SNX25: variants seen among roughly 807,000 people sequenced by gnomAD.
The protein encoded by SNX25 is sorting nexin-25.
Under a neutral mutation model 113.7 loss-of-function variants are expected in SNX25, and 62 were observed. The observed-to-expected ratio is 0.55, with a 90% confidence interval of 0.44 to 0.67. SNX25 has a LOEUF of 0.67. Ranked by LOEUF, SNX25 falls within the 30% of genes least tolerant of loss-of-function variation. SNX25 has a pLI of 0.00. For missense variants in SNX25, 1,014 were observed against 1,161.0 expected (o/e 0.87, Z 1.84); for synonymous variants, 421 against 436.2 (o/e 0.97, Z 0.43).
chr4:185,304,781 A>G (rs1216314309), intron 6 of SNX25, among the ~76,000 whole-genome samples: 1 of 152,230 alleles, frequency 6.6e-6, no homozygotes, highest in African/African-American at 2.4e-5. Flanking sequence ...GAGCCACCAC[A>G]TCCAGCCTAA....
intron 8 of SNX25, 147 bp downstream of exon 8, chr4:185,321,011 T>C: frequency 1.6e-6 from 1 of 620,040 alleles, no homozygotes; most frequent in African/African-American, 1.9e-5. Flanking sequence ...TAGCCCATAA[T>C]GGCAAATAAA....
intron 12 of SNX25, 55 bp downstream of exon 12, chr4:185,342,171 A>C (rs2095263322): frequency 6.9e-7 from 1 of 1,452,144 alleles, no homozygotes; most frequent in African/African-American, 1.4e-5. Flanking sequence ...AGCTCATTTC[A>C]ATTTTACACA....
downstream of SNX25, chr4:185,374,378 G>A (rs755512034): frequency 1.1e-5 from 17 of 1,613,940 alleles, no homozygotes; most frequent in Non-Finnish European, 1.4e-5. Context: ...CTCTTCCGAG[G>A]TTGTAAGCAG....
At chr4:185,231,727 G>A (rs992525840) in intron 1 of SNX25, among the ~76,000 whole-genome samples, 11 of 146,390 alleles carry the variant, frequency 7.5e-5, no homozygotes, top group African/African-American at 2.7e-4. Flanking sequence ...AAAAAAAAAA[G>A]CAGGATTTAT....
At position 185,302,091 on chromosome 4, in the gene SNX25, G is replaced by GTTTTT. The variant is rs1233693832; in HGVS notation, c.1163-8540_1163-8536dup. ...ATTTTTGTATATTTTGTGTGTGTGTGTTTTTTTTGTTTTTTTTTTTTTTTA... is the reference window on the plus strand; with the variant it reads ...ATTTTTGTATATTTTGTGTGTGTGTGTTTTTTTTTTTTTGTTTTTTTTTTTTTTTA... On this transcript the variant is annotated intron_variant, in intron 6 of 18. Coordinates refer to ENST00000652585, the MANE Select transcript of SNX25 (RefSeq NM_001378034.2). Among the ~76,000 whole-genome samples, 18 of 108,372 alleles carry GTTTTT rather than the reference G, an allele frequency of 1.7e-4. No individual in the cohort carries two copies. In the East Asian group the frequency reaches 1.7e-3, roughly 10 times the overall value. 71.1% of individuals were successfully genotyped at this position (108,372 alleles called of 152,430 possible).
chr4:185,362,101 T>C lies in SNX25; in HGVS notation c.2829T>C (p.Ile943=). ...QRAQQKLLEN[I]PDMLQSLVGQ... Reference sequence around the variant, plus strand: ...CACAGCAAAAGCTGCTTGAAAACATTCCAGGTGAGGCCTGGGCTATTAGCC... The same window carrying C: ...CACAGCAAAAGCTGCTTGAAAACATCCCAGGTGAGGCCTGGGCTATTAGCC... Residue 943 remains isoleucine, a synonymous_variant, in exon 17 of 19, where the codon ATT becomes ATC. Transcript: ENST00000652585. 1 of 1,611,102 alleles carries C rather than the reference T, an allele frequency of 6.2e-7. No homozygotes were observed. The highest frequency in any genetic ancestry group is 8.5e-7 in the Non-Finnish European group (1 of 1,178,200).
intron 6 of SNX25, among the ~76,000 whole-genome samples, chr4:185,298,010 C>T (rs1560982352): frequency 6.6e-6 from 1 of 152,084 alleles, no homozygotes; most frequent in Non-Finnish European, 1.5e-5. Flanking sequence ...AGATGGACCA[C>T]CTACATGTAG....
chr4:185,367,270 T>C (rs1055484220), downstream of SNX25: 11 of 1,594,694 alleles, frequency 6.9e-6, no homozygotes, highest in African/African-American at 1.2e-4. Context: ...GAGTCAGATA[T>C]TTAGATACAT....
At chr4:185,204,510 A>C (rs1187895468) in intron 1 of SNX25, 1 of 152,226 alleles carries the variant, frequency 6.6e-6, no homozygotes, top group East Asian at 1.9e-4. Flanking sequence ...ATCTCTGCAG[A>C]ATATATTGAA....
rs1560951090 is a variant in SNX25, at chr4:185,266,950, T to C, written c.905-19T>C. On this transcript the variant is annotated intron_variant, in intron 4 of 18. Coordinates refer to ENST00000652585, the MANE Select transcript of SNX25 (RefSeq NM_001378034.2). ...AGAAGAATACCTTTCTCAGTGGCTA[T>C]TTCTTCTTCTTCCTGTAGTCTTGAA... 1.2e-5 allele frequency: 20 copies of C among 1,602,346 alleles called. No individual in the cohort carries two copies. The highest frequency in any genetic ancestry group is 1.6e-5 in the Non-Finnish European group (19 of 1,174,320).
intron 1 of SNX25, among the ~76,000 whole-genome samples, chr4:185,246,722 A>AT (rs1174425719): frequency 1.3e-5 from 2 of 151,936 alleles, no homozygotes; most frequent in East Asian, 1.9e-4. Flanking sequence ...CAGATTTGTC[A>AT]TTTTTTCCCC....
chr4:185,367,010 A>C (rs2095390230), downstream of SNX25: 2 of 603,978 alleles, frequency 3.3e-6, no homozygotes, highest in Middle Eastern at 3.2e-4. Flanking sequence ...CTAGGTTTCA[A>C]GTTGCAAAAC....
intron 18 of SNX25, 27 bp downstream of exon 18, chr4:185,362,738 T>C: frequency 6.3e-7 from 1 of 1,575,856 alleles, no homozygotes; most frequent in Non-Finnish European, 8.7e-7. Context: ...CCAGGGGGTT[T>C]CCTGCTTTAT....
In SNX25 at chr4:185,353,547, C is replaced by CG. The variant is rs1561049169; in HGVS notation, c.2530dup (p.Ala844GlyfsTer4). 6.2e-7 allele frequency: 1 copy of CG among 1,614,158 alleles called. No homozygotes were observed. The highest frequency in any genetic ancestry group is 8.5e-7 in the Non-Finnish European group (1 of 1,180,012). ...GTGATGATGTGGATGGGAGGAAAGACGCCTTGGCTGAACCATGTTTCATGT... is the reference window on the plus strand; with the variant it reads ...GTGATGATGTGGATGGGAGGAAAGACGGCCTTGGCTGAACCATGTTTCATGT... On this transcript the variant is annotated frameshift_variant, in exon 15 of 19. Coordinates refer to ENST00000652585, the MANE Select transcript of SNX25 (RefSeq NM_001378034.2). LOFTEE classifies it high-confidence loss of function.
At chr4:185,297,440 A>G (rs1752988725) in intron 6 of SNX25, among the ~76,000 whole-genome samples, 1 of 152,140 alleles carries the variant, frequency 6.6e-6, no homozygotes, top group Non-Finnish European at 1.5e-5. Flanking sequence ...TGCCATCTCA[A>G]CAGTTTTGTT....
upstream of SNX25, among the ~76,000 whole-genome samples, chr4:185,209,077 C>T (rs1737344498): frequency 1.3e-5 from 2 of 152,298 alleles, no homozygotes; most frequent in Admixed American, 1.3e-4. This position sits in a 1 kb window ranked among gnomAD's most constrained non-coding sequence, Gnocchi z 5.2. Context: ...TTGCACCAGG[C>T]CGACTTCTTT....
intron 2 of SNX25, among the ~76,000 whole-genome samples, chr4:185,251,219 T>C (rs1165765707): frequency 6.6e-6 from 1 of 152,184 alleles, no homozygotes; most frequent in East Asian, 1.9e-4. Flanking sequence ...GGTCTCTAAC[T>C]CCTGACCTCA....
downstream of SNX25, chr4:185,366,958 A>AGGT: frequency 2.1e-6 from 1 of 472,386 alleles, no homozygotes; most frequent in Middle Eastern, 5.7e-4. Context: ...GTAGGGTAAG[A>AGGT]GGTGGACCTC....
chr4:185,299,989 T>C (rs927453749), intron 6 of SNX25, among the ~76,000 whole-genome samples: 1 of 152,228 alleles, frequency 6.6e-6, no homozygotes, highest in Non-Finnish European at 1.5e-5. Context: ...TTATTCATTT[T>C]TAAAAATTGT....
Sources: allele counts gnomAD v4.1 joint callset (sites outside exome capture counted in the v4.1 genomes callset), GRCh38; gene constraint gnomAD v4.1.1; non-coding constraint Gnocchi (gnomAD v3.1); transcripts MANE v1.5; gene names NCBI Gene and HGNC (gene_info 2026-07-23, HGNC 2026-07-21).